DNAH17: variants seen among roughly 807,000 people sequenced by gnomAD.
The protein encoded by DNAH17 is dynein axonemal heavy chain 17.
Under a neutral mutation model 485.6 loss-of-function variants are expected in DNAH17, and 376 were observed. That is an observed-to-expected ratio of 0.77 (90% CI 0.71 to 0.84). The LOEUF (loss-of-function observed/expected upper bound fraction) is 0.84. Among genes scored for constraint, DNAH17 ranks in the 40% least tolerant of loss-of-function variants. The probability of loss-of-function intolerance (pLI) is 0.00; values close to 1 mark genes in which losing one functional copy is unlikely to be tolerated. For synonymous variants in DNAH17, 3,031 were observed against 2,405.9 expected (o/e 1.26, Z -7.60); for missense variants, 6,370 against 5,839.3 (o/e 1.09, Z -2.96).
At chr17:78,533,110 T>C (rs368971212) in intron 19 of DNAH17, 29 of 215,194 alleles carry the variant, frequency 1.3e-4, no homozygotes, top group African/African-American at 6.4e-4. Flanking sequence ...TATTCTGCCA[T>C]GGGAAGGTAT....
At chr17:78,568,907 T>C (rs2092309740) in intron 9 of DNAH17, among the ~76,000 whole-genome samples, 1 of 152,194 alleles carries the variant, frequency 6.6e-6, no homozygotes, top group Non-Finnish European at 1.5e-5. Flanking sequence ...GTTTAACTTA[T>C]CAGTAACCCG....
At chr17:78,495,795 C>A in intron 38 of DNAH17, 80 bp downstream of exon 38, 1 of 1,521,574 alleles carries the variant, frequency 6.6e-7, no homozygotes, top group Non-Finnish European at 8.9e-7. Context: ...CCCCTCCCCT[C>A]TGCCCACTCC....
rs775874131 is a variant in DNAH17, at chr17:78,566,698, G to A, written c.1485C>T (p.Ile495=). The A allele has an allele frequency of 2.5e-6, 4 of 1,608,880 alleles. No individual in the cohort carries two copies. The Admixed American group carries it at 6.7e-5, about 27-fold the overall frequency. Residue 495 remains isoleucine, a synonymous_variant, in exon 11 of 81, where the codon ATC becomes ATT. Transcript: ENST00000389840. ...GCCTCCTATCCAGGTCTTGGATTTT[G>A]ATCTCAAAATCAGCATAATCACGGT... ...NFDRDYADFE[I]KIQDLDRRLA... is the part of the protein sequence containing the mutation.
chr17:78,569,350 C>T (rs1598744743), intron 8 of DNAH17, 25 bp downstream of exon 8: 2 of 1,611,224 alleles, frequency 1.2e-6, no homozygotes, highest in Non-Finnish European at 1.7e-6. Context: ...CCTGCCTTGG[C>T]CCTCGCCCTG....
At chr17:78,425,694 G>T (rs1303718695) in intron 79 of DNAH17, 123 bp from the exon 80 acceptor site, 1 of 840,946 alleles carries the variant, frequency 1.2e-6, no homozygotes, top group East Asian at 2.7e-5. Flanking sequence ...CGAGCTAGAA[G>T]TGCTGGACAG....
chr17:78,571,408 A>G (rs755968468), intron 4 of DNAH17, 30 bp from the exon 5 acceptor site: 34 of 1,579,528 alleles, frequency 2.2e-5, no homozygotes, highest in Non-Finnish European at 2.5e-5. Flanking sequence ...TCCACCTTTC[A>G]TTGACCTGGA....
In DNAH17 at chr17:78,566,609, C is replaced by T; in HGVS notation, c.1569+5G>A. On this transcript the variant is annotated splice_donor_5th_base_variant and intron_variant, in intron 11 of 80. Coordinates refer to ENST00000389840, the MANE Select transcript of DNAH17 (RefSeq NM_173628.4). ...GATCTGCCTGCGTCTCCACTGCATGCTTACCTTTGCGGAGGACTTGATACA... is the reference window on the plus strand; with the variant it reads ...GATCTGCCTGCGTCTCCACTGCATGTTTACCTTTGCGGAGGACTTGATACA... 2 of 1,595,704 alleles carry T rather than the reference C, an allele frequency of 1.3e-6. No individual in the cohort carries two copies. The highest frequency in any genetic ancestry group is 1.7e-5 in the Admixed American group (1 of 57,922).
At position 78,479,582 on chromosome 17, in the gene DNAH17, G is replaced by C. The variant is rs768768273; in HGVS notation, c.7803C>G (p.Thr2601=). ...GCGTCAGGATTGTGTTGTAGATGGT[G>C]GTGAGGGCCTCCTGGCCGGGGAAGC... ...AVSFPGQEAL[T]TIYNTILTQH... Residue 2601 remains threonine, a synonymous_variant, in exon 50 of 81, where the codon ACC becomes ACG. Coordinates refer to ENST00000389840, the MANE Select transcript of DNAH17 (RefSeq NM_173628.4). 2 of 1,613,554 alleles carry C rather than the reference G, an allele frequency of 1.2e-6. No individual in the cohort carries two copies. The highest frequency in any genetic ancestry group is 1.7e-6 in the Non-Finnish European group (2 of 1,179,840).
intron 19 of DNAH17, 59 bp from the exon 20 acceptor site, chr17:78,532,795 GTGT>G: frequency 6.7e-7 from 1 of 1,497,660 alleles, no homozygotes; most frequent in Non-Finnish European, 8.9e-7. Flanking sequence ...CATAATTTAG[GTGT>G]TGTCCTCTCG....
At chr17:78,543,803 C>A (rs746293384) in intron 17 of DNAH17, 54 bp downstream of exon 17, 1 of 1,612,544 alleles carries the variant, frequency 6.2e-7, no homozygotes, top group African/African-American at 1.3e-5. Flanking sequence ...TTTACTCTCT[C>A]CTCCCTGCTA....
chr17:78,463,153 C>CA, intron 56 of DNAH17, 76 bp from the exon 57 acceptor site: 1 of 1,400,328 alleles, frequency 7.1e-7, no homozygotes, highest in South Asian at 1.2e-5. Flanking sequence ...CCAGACTCAC[C>CA]AGGGGCCCTG....
At position 78,461,618 on chromosome 17, in the gene DNAH17, T is replaced by C; in HGVS notation, c.9265A>G (p.Ile3089Val). ...SADQLIQVVG[I>V]EAEKVSKEKA... ...TCTTTGCTGACCTTCTCGGCCTCGA[T>C]GCCGACCACCTGGATCAGTTGGTCT... Residue 3089 changes from isoleucine to valine, a missense_variant, in exon 58 of 81, where the codon ATC (isoleucine) becomes GTC (valine). Physicochemically the swap from Ile to Val is conservative, Grantham distance 29 (BLOSUM62 3). Coordinates refer to ENST00000389840, the MANE Select transcript of DNAH17 (RefSeq NM_173628.4). 1 of 1,610,358 alleles carries C rather than the reference T, an allele frequency of 6.2e-7. No homozygotes were observed. The highest frequency in any genetic ancestry group is 8.5e-7 in the Non-Finnish European group (1 of 1,178,694).
At position 78,574,845 on chromosome 17, in the gene DNAH17, G is replaced by A; in HGVS notation, c.213C>T (p.Ser71=). 1 of 1,613,990 alleles carries A rather than the reference G, an allele frequency of 6.2e-7. No homozygotes were observed. The highest frequency in any genetic ancestry group is 8.5e-7 in the Non-Finnish European group (1 of 1,179,888). ...TGAAGTAAACCCCTTTGGACTTGAG[G>A]GACTGGGGGAAGCCCAGGCAGGGTA... ...MIIPCLGFPQ[S]LKSKGVYFIK... is the part of the protein sequence containing the mutation. The change falls in exon 2 of 81, where the codon TCC becomes TCT. Residue 71 remains serine, a synonymous_variant. Coordinates refer to ENST00000389840, the MANE Select transcript of DNAH17 (RefSeq NM_173628.4).
At chr17:78,485,499 G>A in intron 47 of DNAH17, 51 bp downstream of exon 47, 5 of 1,521,202 alleles carry the variant, frequency 3.3e-6, no homozygotes, top group African/African-American at 1.4e-5. Flanking sequence ...GAGGGAACGG[G>A]GACTGGCGGG....
intron 16 of DNAH17, among the ~76,000 whole-genome samples, chr17:78,549,573 C>T (rs1338554568): frequency 1.3e-5 from 2 of 152,224 alleles, no homozygotes. Context: ...CTCAGCTCAG[C>T]ACCAGGAGAA....
chr17:78,505,261 G>C (rs1273717796), intron 31 of DNAH17, 32 bp downstream of exon 31: 15 of 1,612,454 alleles, frequency 9.3e-6, no homozygotes, highest in Non-Finnish European at 1.2e-5. Context: ...CCCTTGTCCT[G>C]GGTTCCCTGT....
chr17:78,426,639 G>A (rs1255583861), intron 78 of DNAH17, 39 bp from the exon 79 acceptor site: 2 of 1,561,586 alleles, frequency 1.3e-6, no homozygotes, highest in Middle Eastern at 1.7e-4. Context: ...GCCCTGAGCT[G>A]GGGCCTGGGA....
chr17:78,571,622 G>T lies in DNAH17; in HGVS notation c.700C>A (p.Arg234=), dbSNP rs772610721. 2 of 1,613,920 alleles carry T rather than the reference G, an allele frequency of 1.2e-6. No individual in the cohort carries two copies. The highest frequency in any genetic ancestry group is 3.3e-5 in the Admixed American group (2 of 60,022). The change falls in exon 4 of 81, where the codon CGG becomes AGG. Residue 234 remains arginine, a synonymous_variant. Coordinates refer to ENST00000389840, the MANE Select transcript of DNAH17 (RefSeq NM_173628.4). ...PQVEFEFWDT[R]LLNLKCIHEQ... ...TGGATGCACTTGAGGTTCAGCAGCC[G>T]AGTGTCCCAGAACTCGAACTCCACT...
chr17:78,536,467 A>C (rs971710945), intron 19 of DNAH17, among the ~76,000 whole-genome samples: 1 of 151,162 alleles, frequency 6.6e-6, no homozygotes, highest in Non-Finnish European at 1.5e-5. Flanking sequence ...AAAAAAATTA[A>C]GAAGTTTAAG....
Sources: gnomAD v4.1 joint callset for allele counts (sites outside exome capture counted in the v4.1 genomes callset) on GRCh38, gnomAD v4.1.1 for gene constraint, MANE v1.5 for transcripts, NCBI Gene and HGNC (gene_info 2026-07-23, HGNC 2026-07-21) for gene names.